Variants in ADAMTSL1 observed in about 807,000 individuals in gnomAD.
ADAMTSL1 encodes ADAMTS-like protein 1.
Under a neutral mutation model 201.8 loss-of-function variants are expected in ADAMTSL1, and 126 were observed. That is an observed-to-expected ratio of 0.62 (90% confidence interval 0.54 to 0.72). The LOEUF is 0.72. Among genes scored for constraint, ADAMTSL1 ranks in the 30% least tolerant of loss-of-function variants. The pLI, the probability that ADAMTSL1 is intolerant of heterozygous loss-of-function variation, is 0.00. For missense variants in ADAMTSL1, 2,679 were observed against 2,277.8 expected, an observed-to-expected ratio of 1.18 and a Z score of -3.59; for synonymous variants, 1,121 against 903.4, an observed-to-expected ratio of 1.24 and a Z score of -4.32.
intron 23 of ADAMTSL1, among the ~76,000 whole-genome samples, chr9:18,851,972 C>A (rs976662138): frequency 6.6e-6 from 1 of 152,190 alleles, no homozygotes; most frequent in African/African-American, 2.4e-5. Context: ...TGGATGCAAC[C>A]AATTATCATT....
At chr9:18,712,188 C>T (rs1357646508) in intron 14 of ADAMTSL1, among the ~76,000 whole-genome samples, 16 of 152,240 alleles carry the variant, frequency 1.1e-4, no homozygotes, top group Admixed American at 2.0e-4. Context: ...AAAAGCAGAG[C>T]GCCTCTCCTC....
intron 9 of ADAMTSL1, among the ~76,000 whole-genome samples, chr9:18,667,623 A>G (rs911530512): frequency 6.6e-6 from 1 of 152,204 alleles, no homozygotes; most frequent in African/African-American, 2.4e-5. Context: ...TAAAGAGCTT[A>G]GCAGAGTACC....
intron 2 of ADAMTSL1, among the ~76,000 whole-genome samples, chr9:18,297,098 A>G (rs1205916480): frequency 1.3e-5 from 2 of 152,212 alleles, no homozygotes; most frequent in Non-Finnish European, 2.9e-5. Context: ...CTGGGAAATA[A>G]CAAAATTGGA....
intron 4 of ADAMTSL1, among the ~76,000 whole-genome samples, chr9:18,575,900 A>G (rs10732338): frequency 0.67 from 101,147 of 152,000 alleles, 34,011 homozygotes; most frequent in East Asian, 0.82. Context: ...GGTTTCATTT[A>G]TTTCTTTTGC....
Position 18,822,049 on chromosome 9 carries a change from T to C in ADAMTSL1, c.3935-4235T>C, listed in dbSNP as rs144091316. ...GGAGAGCATGGGGCTGTTGAAAAGA[T>C]ACACCACAGGGGAAAATGCAAACGT... On this transcript the variant is annotated intron_variant, in intron 21 of 28. Transcript: ENST00000380548. Among the ~76,000 whole-genome samples the C allele has an allele frequency of 8.5e-5, 13 of 152,252 alleles. No homozygotes were observed. The East Asian group carries it at 2.3e-3, about 27-fold the overall frequency.
chr9:18,238,976 G>T (rs1003886564), intron 2 of ADAMTSL1, among the ~76,000 whole-genome samples: 2 of 152,142 alleles, frequency 1.3e-5, no homozygotes, highest in South Asian at 2.1e-4. Context: ...TGGTTTCCCA[G>T]TGCATATAAA....
intron 4 of ADAMTSL1, among the ~76,000 whole-genome samples, chr9:18,619,987 C>A (rs969794030): frequency 6.6e-6 from 1 of 151,102 alleles, no homozygotes; most frequent in African/African-American, 2.4e-5. Flanking sequence ...TTTGGTCCCT[C>A]CAAGGCAATT....
Position 18,762,209 on chromosome 9 carries a change from G to A in ADAMTSL1, c.2218-8393G>A, listed in dbSNP as rs188820952. On this transcript the variant is annotated intron_variant, in intron 16 of 28. Transcript: ENST00000380548. ...AATCCTGTGTGCATGCAGGGAGGGAGAGGAAAATAGCGGGCACATAAACAA... is the reference window on the plus strand; with the variant it reads ...AATCCTGTGTGCATGCAGGGAGGGAAAGGAAAATAGCGGGCACATAAACAA... Among the ~76,000 whole-genome samples the A allele has an allele frequency of 3.3e-5, 5 of 152,280 alleles. No homozygotes were observed. In the East Asian group the frequency reaches 7.7e-4, roughly 23 times the overall value.
At chr9:18,378,893 T>TA (rs2133169347) in intron 2 of ADAMTSL1, among the ~76,000 whole-genome samples, 1 of 152,286 alleles carries the variant, frequency 6.6e-6, no homozygotes, top group African/African-American at 2.4e-5. Flanking sequence ...ACATAATTGA[T>TA]AGAGTAACGT....
chr9:18,371,038 C>T (rs1837021009), intron 2 of ADAMTSL1, among the ~76,000 whole-genome samples: 1 of 152,036 alleles, frequency 6.6e-6, no homozygotes, highest in Non-Finnish European at 1.5e-5. Flanking sequence ...CCTTCATATC[C>T]AATTATTTTT....
In ADAMTSL1 at chr9:18,820,171, A is replaced by G. The variant is rs185496743; in HGVS notation, c.3934+2934A>G. On this transcript the variant is annotated intron_variant, in intron 21 of 28. Transcript: ENST00000380548. The stretch of plus-strand genomic sequence containing the variant: ...AAGGGCCTGCTTAAAGCAGTATTTT[A>G]TGTCATATTCATTCATGTTATTCAT... Among the ~76,000 whole-genome samples the G allele has an allele frequency of 3.0e-3, 458 of 152,336 alleles. 3 individuals are homozygous for G. The highest frequency in any genetic ancestry group is 0.01 in the African/African-American group (430 of 41,574).
intron 1 of ADAMTSL1, among the ~76,000 whole-genome samples, chr9:18,040,178 A>G (rs910047856): frequency 6.6e-5 from 10 of 152,194 alleles, no homozygotes; most frequent in African/African-American, 2.4e-4. Flanking sequence ...CATGTATAGT[A>G]AGCAACACCC....
intron 2 of ADAMTSL1, among the ~76,000 whole-genome samples, chr9:18,446,663 A>G (rs1820204696): frequency 6.6e-6 from 1 of 152,260 alleles, no homozygotes; most frequent in African/African-American, 2.4e-5. Flanking sequence ...AGAACAAAAT[A>G]GAATCAGCAA....
chr9:18,085,482 C>CAT (rs371256393), intron 1 of ADAMTSL1, among the ~76,000 whole-genome samples: 2,047 of 45,174 alleles, frequency 0.045, 15 homozygotes, highest in Non-Finnish European at 0.052. Context: ...TATGTGTGTG[C>CAT]ATATATATAT....
chr9:17,960,306 C>T (rs986274231), intron 1 of ADAMTSL1, among the ~76,000 whole-genome samples: 6 of 152,174 alleles, frequency 3.9e-5, no homozygotes, highest in African/African-American at 1.4e-4. Context: ...AAAACTTAGT[C>T]ACATGGATAT....
chr9:18,155,694 G>A (rs1309186700), intron 1 of ADAMTSL1, among the ~76,000 whole-genome samples: 2 of 152,038 alleles, frequency 1.3e-5, no homozygotes, highest in African/African-American at 4.8e-5. Context: ...TGAGATGTCA[G>A]TGCAGAGAGA....
At chr9:17,980,153 ATGAG>A (rs1818628607) in intron 1 of ADAMTSL1, among the ~76,000 whole-genome samples, 1 of 152,058 alleles carries the variant, frequency 6.6e-6, no homozygotes, top group South Asian at 2.1e-4. Context: ...TACTTCTTAA[ATGAG>A]TATTTTCTTA....
chr9:18,164,393 T>C (rs1827543182), intron 2 of ADAMTSL1, among the ~76,000 whole-genome samples: 1 of 151,962 alleles, frequency 6.6e-6, no homozygotes, highest in South Asian at 2.1e-4. Flanking sequence ...TTTGTAGATA[T>C]TCTTACTTCA....
intron 22 of ADAMTSL1, among the ~76,000 whole-genome samples, chr9:18,828,738 T>G (rs1824785415): frequency 1.4e-5 from 2 of 141,172 alleles, no homozygotes; most frequent in Admixed American, 7.0e-5. Context: ...CACACACACA[T>G]ATGTAATCTC....
Sources: gnomAD v4.1 joint callset for allele counts (sites outside exome capture counted in the v4.1 genomes callset) on GRCh38, gnomAD v4.1.1 for gene constraint, MANE v1.5 for transcripts, NCBI Gene and HGNC (gene_info 2026-07-23, HGNC 2026-07-21) for gene names.